Variants in SEC14L2 observed in about 807,000 individuals in gnomAD.
SEC14L2 encodes SEC14 like lipid binding 2.
In SEC14L2, 50 loss-of-function variants were observed where a neutral mutation model predicts 56.9. The observed-to-expected ratio is 0.88, with a 90% confidence interval of 0.70 to 1.11. The LOEUF is 1.11. SEC14L2 is among the 50% of genes most tolerant of loss of function. The probability of loss-of-function intolerance (pLI) is 0.00; values close to 1 mark genes in which losing one functional copy is unlikely to be tolerated. For synonymous variants in SEC14L2, 179 were observed against 188.5 expected (o/e 0.95, Z 0.41); for missense variants, 414 against 500.7 (o/e 0.83, Z 1.65).
At chr22:30,406,517 C>A in intron 3 of SEC14L2, 132 bp downstream of exon 3, 1 of 815,864 alleles carries the variant, frequency 1.2e-6, no homozygotes, top group Non-Finnish European at 2.0e-6. Flanking sequence ...GTTGCCTTAT[C>A]CCTCTGGGAC....
chr22:30,409,161 G>A, intron 5 of SEC14L2, 26 bp from the exon 6 acceptor site: 1 of 1,603,482 alleles, frequency 6.2e-7, no homozygotes, highest in Non-Finnish European at 8.5e-7. Flanking sequence ...AGCCTGACAA[G>A]ACTTCCTGCT....
In SEC14L2 at chr22:30,406,389, A is replaced by T; in HGVS notation, c.174+4A>T. On this transcript the variant is annotated splice_donor_region_variant and intron_variant, in intron 3 of 11. Coordinates refer to ENST00000615189, the MANE Select transcript of SEC14L2 (RefSeq NM_012429.5). ...GTCGGAGGCCATGCTCCGGAAGGTG[A>T]GACACATTTGGCTGTTGCTTCAGTT... is the stretch of plus-strand genomic sequence containing the variant. 1 of 1,614,066 alleles carries T rather than the reference A, an allele frequency of 6.2e-7. No homozygotes were observed. The highest frequency in any genetic ancestry group is 1.1e-5 in the South Asian group (1 of 91,076).
chr22:30,414,827 G>C (rs1003182540), intron 8 of SEC14L2, among the ~76,000 whole-genome samples: 7 of 151,908 alleles, frequency 4.6e-5, no homozygotes, highest in Non-Finnish European at 8.8e-5. Flanking sequence ...GGGAGCAGAA[G>C]TGAAATGGTG....
At chr22:30,420,358 G>A (rs183425237) in intron 11 of SEC14L2, among the ~76,000 whole-genome samples, 20 of 152,320 alleles carry the variant, frequency 1.3e-4, no homozygotes, top group African/African-American at 4.3e-4. Flanking sequence ...TATGATTAGT[G>A]TCAAAATGAA....
chr22:30,405,932 T>A (rs1601775033), intron 2 of SEC14L2, among the ~76,000 whole-genome samples: 2 of 152,054 alleles, frequency 1.3e-5, no homozygotes, highest in Non-Finnish European at 2.9e-5. Context: ...CTTTGAACTG[T>A]GGTGTCAAGG....
intron 7 of SEC14L2, among the ~76,000 whole-genome samples, chr22:30,409,915 G>C (rs949532789): frequency 2.1e-5 from 3 of 145,544 alleles, no homozygotes; most frequent in Non-Finnish European, 3.0e-5. Context: ...AATAAAAATA[G>C]GGCTAGGTGC....
In SEC14L2 at chr22:30,416,271, G is replaced by A; in HGVS notation, c.949G>A (p.Gly317Arg). Residue 317 changes from glycine (G) to arginine (R), a missense_variant, in exon 11 of 12, where the codon GGG becomes AGG. Gly to Arg is a moderately radical substitution (Grantham distance 125, BLOSUM62 -2). Coordinates refer to ENST00000615189, the MANE Select transcript of SEC14L2 (RefSeq NM_012429.5). The stretch of plus-strand genomic sequence containing the variant: ...GTCAGATGGAGCGGATGTTGGTTTT[G>A]GGATTTTCCTGAAGACCAAGATGGG... ...FMSDGADVGF[G>R]IFLKTKMGER... 2 of 1,614,240 alleles carry A rather than the reference G, an allele frequency of 1.2e-6. No homozygotes were observed.
rs895110166 is a variant in SEC14L2, at chr22:30,416,273, G to A, written c.951G>A (p.Gly317=). Residue 317 remains glycine, a synonymous_variant, in exon 11 of 12, where the codon GGG becomes GGA. Coordinates refer to ENST00000615189, the MANE Select transcript of SEC14L2 (RefSeq NM_012429.5). ...CAGATGGAGCGGATGTTGGTTTTGG[G>A]ATTTTCCTGAAGACCAAGATGGGAG... ...FMSDGADVGF[G]IFLKTKMGER... 6.2e-7 allele frequency: 1 copy of A among 1,614,120 alleles called. No homozygotes were observed. The highest frequency in any genetic ancestry group is 1.3e-5 in the African/African-American group (1 of 74,938).
chr22:30,424,778 G>C lies in SEC14L2; in HGVS notation c.*2371G>C, dbSNP rs1178964831. 1 of 456,644 alleles carries C rather than the reference G, an allele frequency of 2.2e-6. No individual in the cohort carries two copies. The highest frequency in any genetic ancestry group is 1.5e-5 in the South Asian group (1 of 64,568). 28.3% of individuals were successfully genotyped at this position (456,644 alleles called of 1,614,324 possible). ...CAATTATACCCGCCAAGGAGTCACA[G>C]AGACTTAGTGAAGTGCACACATTGC... On this transcript the variant is annotated 3_prime_UTR_variant, in exon 12 of 12. Transcript: ENST00000615189.
chr22:30,422,172 C>A, intron 11 of SEC14L2, 105 bp from the exon 12 acceptor site: 1 of 1,418,996 alleles, frequency 7.0e-7, no homozygotes. Flanking sequence ...TCCCCATGAC[C>A]TGCCACACTG....
At position 30,423,609 on chromosome 22, in the gene SEC14L2, G is replaced by T. The variant is rs1429313964; in HGVS notation, c.*1202G>T. 6.6e-6 allele frequency: 1 copy of T among 152,368 alleles called. No homozygotes were observed. Among genetic ancestry groups the T allele is most frequent in the African/African-American group, 2.4e-5 (1 of 41,472 alleles). 9.4% of individuals were successfully genotyped at this position (152,368 alleles called of 1,614,324 possible). On this transcript the variant is annotated 3_prime_UTR_variant, in exon 12 of 12. Coordinates refer to ENST00000615189, the MANE Select transcript of SEC14L2 (RefSeq NM_012429.5). ...AGGTGCTGGGCTTTAGAGAACATGG[G>T]AAGGCGGCCCCAGACCTGGCGGGAA...
At chr22:30,397,626 C>T (rs544037238) in intron 1 of SEC14L2, 26 of 315,396 alleles carry the variant, frequency 8.2e-5, no homozygotes, top group African/African-American at 5.8e-4. Flanking sequence ...GCTCCTGCCC[C>T]GGCACCAAGC....
At chr22:30,405,316 A>G (rs1475602425) in intron 2 of SEC14L2, among the ~76,000 whole-genome samples, 3 of 152,176 alleles carry the variant, frequency 2.0e-5, no homozygotes, top group Non-Finnish European at 4.4e-5. Context: ...TCATGAGGCT[A>G]AGGAGGCAAT....
intron 11 of SEC14L2, chr22:30,420,617 G>C (rs1934491524): frequency 6.6e-6 from 1 of 152,212 alleles, no homozygotes. Flanking sequence ...AAGACCTCTA[G>C]TACAGGGGAA....
Position 30,416,408 on chromosome 22 carries a change from G to A in SEC14L2, c.1081+5G>A, listed in dbSNP as rs1467543664. ...CCTGCAGTGATCCTGGCATCTGTAA[G>A]TATCTCTGCCTTGGCAATGCCTTGA... is the stretch of plus-strand genomic sequence containing the variant. On this transcript the variant is annotated splice_donor_5th_base_variant and intron_variant, in intron 11 of 11. Transcript: ENST00000615189. The A allele has an allele frequency of 6.2e-7, 1 of 1,614,132 alleles. No individual in the cohort carries two copies. Among genetic ancestry groups the A allele is most frequent in the Non-Finnish European group, 8.5e-7 (1 of 1,180,052 alleles).
In SEC14L2 at chr22:30,413,658, A is replaced by C. The variant is rs574261506; in HGVS notation, c.665-2101A>C. On this transcript the variant is annotated intron_variant, in intron 8 of 11. Coordinates refer to ENST00000615189, the MANE Select transcript of SEC14L2 (RefSeq NM_012429.5). The stretch of plus-strand genomic sequence containing the variant: ...GTAAGAGGGATTCTGAAGGCTTCAC[A>C]ATGTTCATCTTTTGGTGACACACGA... Among the ~76,000 whole-genome samples, 14 of 152,286 alleles carry C rather than the reference A, an allele frequency of 9.2e-5. 1 individual carries two copies. The East Asian group carries it at 1.4e-3, about 15-fold the overall frequency.
Position 30,401,394 on chromosome 22 carries a change from C to T in SEC14L2, c.130+1676C>T, listed in dbSNP as rs1452782918. On this transcript the variant is annotated intron_variant, in intron 2 of 11. Coordinates refer to ENST00000615189, the MANE Select transcript of SEC14L2 (RefSeq NM_012429.5). ...CGGCTAAGGGTTTCACCATGTTGGCCAGGCTGGTCTCAAACTCCTGACCTC... is the reference window on the plus strand; with the variant it reads ...CGGCTAAGGGTTTCACCATGTTGGCTAGGCTGGTCTCAAACTCCTGACCTC... Among the ~76,000 whole-genome samples the T allele has an allele frequency of 2.0e-5, 3 of 151,882 alleles. No individual in the cohort carries two copies. In the East Asian group the frequency reaches 5.8e-4, roughly 29 times the overall value.
At chr22:30,418,206 C>T (rs1024080334) in intron 11 of SEC14L2, among the ~76,000 whole-genome samples, 1 of 152,160 alleles carries the variant, frequency 6.6e-6, no homozygotes, top group African/African-American at 2.4e-5. Context: ...GCATGAGCCA[C>T]CATGCCCAGC....
intron 8 of SEC14L2, among the ~76,000 whole-genome samples, chr22:30,414,560 G>A (rs1408695413): frequency 2.6e-5 from 4 of 152,150 alleles, no homozygotes; most frequent in East Asian, 3.8e-4. Flanking sequence ...CAGTTTCTGC[G>A]GGTCTCCAGC....
Sources: gnomAD v4.1 joint callset for allele counts (sites outside exome capture counted in the v4.1 genomes callset) on GRCh38, gnomAD v4.1.1 for gene constraint, MANE v1.5 for transcripts, NCBI Gene and HGNC (gene_info 2026-07-23, HGNC 2026-07-21) for gene names.